PRKCZ: variants seen among roughly 807,000 people sequenced by gnomAD.
PRKCZ encodes protein kinase C zeta type.
A neutral mutation model predicts 79.5 loss-of-function variants in PRKCZ; 33 were observed. That is an observed-to-expected ratio of 0.41 (90% CI 0.31 to 0.55). The LOEUF is 0.55. Ranked by LOEUF, PRKCZ falls within the 20% of genes least tolerant of loss-of-function variation. The probability of loss-of-function intolerance (pLI) is 0.19; values close to 1 mark genes in which losing one functional copy is unlikely to be tolerated. For synonymous variants in PRKCZ, 342 were observed against 320.9 expected (o/e 1.07, Z -0.70); for missense variants, 578 against 813.5 (o/e 0.71, Z 3.52).
rs1057466999 is a variant in PRKCZ, at chr1:2,094,821, G to T, written c.334+35230G>T. Reference sequence around the variant, plus strand: ...GCCCTTACCGTCTGGCTTCTCTGCTGGCTCTTTTGGCCTTGGATTCATTTC... The same window carrying T: ...GCCCTTACCGTCTGGCTTCTCTGCTTGCTCTTTTGGCCTTGGATTCATTTC... On this transcript the variant is annotated intron_variant, in intron 4 of 17. Coordinates refer to ENST00000378567, the MANE Select transcript of PRKCZ (RefSeq NM_002744.6). This position sits in a 1 kb window ranked among gnomAD's most constrained non-coding sequence, Gnocchi z 7.3. Among the ~76,000 whole-genome samples the T allele has an allele frequency of 1.3e-5, 2 of 152,200 alleles. No homozygotes were observed. Among genetic ancestry groups the T allele is most frequent in the Non-Finnish European group, 2.9e-5 (2 of 68,042 alleles).
At position 2,060,240 on chromosome 1, in the gene PRKCZ, G is replaced by A. The variant is rs547887039; in HGVS notation, c.334+649G>A. ...TTGTGTGGGCAGGAGCTCCTGGACC[G>A]AGGCCGCTGCCTGTCCAGCGCAGGG... On this transcript the variant is annotated intron_variant, in intron 4 of 17. Coordinates refer to ENST00000378567, the MANE Select transcript of PRKCZ (RefSeq NM_002744.6). Among the ~76,000 whole-genome samples, 22 of 152,368 alleles carry A rather than the reference G, an allele frequency of 1.4e-4. No homozygotes were observed. In the South Asian group the frequency reaches 2.3e-3, roughly 16 times the overall value.
At chr1:2,098,165 GT>G (rs1317381512) in intron 4 of PRKCZ, among the ~76,000 whole-genome samples, 1 of 147,324 alleles carries the variant, frequency 6.8e-6, no homozygotes, top group Non-Finnish European at 1.5e-5. Context: ...GGCAGGGGTT[GT>G]TTACTGAAAC....
chr1:2,094,432 C>T lies in PRKCZ; in HGVS notation c.334+34841C>T, dbSNP rs374674158. ...GGCTCGTTGAACCTTGGGCGCTGCCCGTTCTGAGGCACCCGCTGTGCCCGG... is the reference window on the plus strand; with the variant it reads ...GGCTCGTTGAACCTTGGGCGCTGCCTGTTCTGAGGCACCCGCTGTGCCCGG... On this transcript the variant is annotated intron_variant, in intron 4 of 17. Coordinates refer to ENST00000378567, the MANE Select transcript of PRKCZ (RefSeq NM_002744.6). This position sits in a 1 kb window ranked among gnomAD's most constrained non-coding sequence, Gnocchi z 7.3. Among the ~76,000 whole-genome samples, 6 of 150,488 alleles carry T rather than the reference C, an allele frequency of 4.0e-5. No homozygotes were observed. The East Asian group carries it at 5.9e-4, about 15-fold the overall frequency.
intron 4 of PRKCZ, among the ~76,000 whole-genome samples, chr1:2,120,293 G>A (rs1276298677): frequency 6.1e-5 from 2 of 32,842 alleles, no homozygotes; most frequent in East Asian, 8.9e-4. Context: ...TTGACTTTTC[G>A]TTTTTTTTTT....
intron 4 of PRKCZ, among the ~76,000 whole-genome samples, chr1:2,066,292 T>G (rs529142587): frequency 6.6e-6 from 1 of 152,174 alleles, no homozygotes; most frequent in Non-Finnish European, 1.5e-5. Flanking sequence ...TCTTCAAGTG[T>G]TTGGTAGAAT....
chr1:2,175,877 G>A (rs1685402517), intron 16 of PRKCZ, among the ~76,000 whole-genome samples: 1 of 152,180 alleles, frequency 6.6e-6, no homozygotes, highest in African/African-American at 2.4e-5. Flanking sequence ...AGCGGCACAT[G>A]CGTCCTGACC....
chr1:2,150,612 C>T (rs1679695903), intron 8 of PRKCZ, among the ~76,000 whole-genome samples, 178 bp from the exon 9 acceptor site: 1 of 152,188 alleles, frequency 6.6e-6, no homozygotes, highest in South Asian at 2.1e-4. Context: ...CCTTTCATGC[C>T]CCAGTTTAGA....
intron 5 of PRKCZ, among the ~76,000 whole-genome samples, chr1:2,138,870 G>T (rs1454906493): frequency 6.6e-6 from 1 of 152,312 alleles, no homozygotes; most frequent in African/African-American, 2.4e-5. Flanking sequence ...GGAGGCGGGG[G>T]TTGCGGTGAG....
At chr1:2,121,074 A>G (rs78665901) in intron 4 of PRKCZ, among the ~76,000 whole-genome samples, 35,993 of 152,052 alleles carry the variant, frequency 0.24, 4,909 homozygotes, top group Admixed American at 0.33. Flanking sequence ...TCAGCCTCCC[A>G]AAGTGTTGGG....
chr1:2,055,766 C>G, intron 2 of PRKCZ: 1 of 715,600 alleles, frequency 1.4e-6, no homozygotes, highest in East Asian at 3.0e-5. Flanking sequence ...GCCCAGATGC[C>G]CCTAGGAAGG....
chr1:2,160,234 TGTGC>T (rs1186621472), intron 10 of PRKCZ, among the ~76,000 whole-genome samples: 3 of 128,522 alleles, frequency 2.3e-5, no homozygotes, highest in African/African-American at 3.2e-5. Flanking sequence ...CACCCAGCAG[TGTGC>T]GTGTGTGTGT....
At chr1:2,080,700 T>G (rs976485018) in intron 4 of PRKCZ, among the ~76,000 whole-genome samples, 1 of 152,144 alleles carries the variant, frequency 6.6e-6, no homozygotes, top group African/African-American at 2.4e-5. Flanking sequence ...AGCTAAGGCT[T>G]TATTCCGCTT....
At chr1:2,100,606 TG>T (rs988368658) in intron 4 of PRKCZ, among the ~76,000 whole-genome samples, 2 of 152,298 alleles carry the variant, frequency 1.3e-5, no homozygotes, top group African/African-American at 4.8e-5. Flanking sequence ...CTGTTCCTTC[TG>T]GGGTGTGCGA....
chr1:2,076,884 A>G (rs1231279678), intron 4 of PRKCZ, among the ~76,000 whole-genome samples: 1 of 152,184 alleles, frequency 6.6e-6, no homozygotes, highest in Non-Finnish European at 1.5e-5. Flanking sequence ...CCCTCCACGC[A>G]TCGGGGCCCG....
chr1:2,117,998 C>CCTTTTTTTTTTTT lies in PRKCZ; in HGVS notation c.335-17264_335-17263insCTTTTTTTTTTTT, dbSNP rs58233626. Among the ~76,000 whole-genome samples, 40 of 65,088 alleles carry CCTTTTTTTTTTTT rather than the reference C, an allele frequency of 6.1e-4. 9 individuals are homozygous for CCTTTTTTTTTTTT. The highest frequency in any genetic ancestry group is 1.7e-3 in the Admixed American group (7 of 4,220). 42.7% of individuals were successfully genotyped at this position (65,088 alleles called of 152,430 possible). A position where few individuals can be genotyped will look rare whatever the true frequency, so the allele number is the denominator to read the frequency against. On this transcript the variant is annotated intron_variant, in intron 4 of 17. Coordinates refer to ENST00000378567, the MANE Select transcript of PRKCZ (RefSeq NM_002744.6). ...TATGAGAGAGATTAGCCTATTATTT[C>CCTTTTTTTTTTTT]TTTTTTTTTTTTTTTTGGAGTCTCA... is the stretch of plus-strand genomic sequence containing the variant.
chr1:2,153,392 A>G (rs900995778), intron 9 of PRKCZ, among the ~76,000 whole-genome samples: 1 of 152,230 alleles, frequency 6.6e-6, no homozygotes, highest in Admixed American at 6.5e-5. Context: ...TCGAGCCCCG[A>G]TGGGCCACAG....
chr1:2,072,434 A>G (rs931201295), intron 4 of PRKCZ, among the ~76,000 whole-genome samples: 1 of 152,188 alleles, frequency 6.6e-6, no homozygotes, highest in Non-Finnish European at 1.5e-5. Context: ...TCGCGGGGCC[A>G]TGCGGGCAAG....
chr1:2,057,931 G>A (rs898182766), intron 3 of PRKCZ, among the ~76,000 whole-genome samples: 13 of 151,096 alleles, frequency 8.6e-5, no homozygotes, highest in African/African-American at 2.7e-4. Context: ...GCAGTGACGC[G>A]ATCTCAGCTC....
intron 4 of PRKCZ, among the ~76,000 whole-genome samples, chr1:2,065,843 T>C (rs1661082544): frequency 2.0e-5 from 3 of 152,210 alleles, no homozygotes. Context: ...TATTCCAAGT[T>C]TGTCAATTGT....
Sources: gnomAD v4.1 joint callset for allele counts (sites outside exome capture counted in the v4.1 genomes callset) on GRCh38, gnomAD v4.1.1 for gene constraint, Gnocchi (gnomAD v3.1) non-coding constraint, MANE v1.5 for transcripts, NCBI Gene and HGNC (gene_info 2026-07-23, HGNC 2026-07-21) for gene names.